TCF3: variants seen among roughly 807,000 people sequenced by gnomAD.
TCF3 encodes transcription factor E2-alpha.
In TCF3, 54 loss-of-function variants were observed where a neutral mutation model predicts 72.3. The observed-to-expected ratio is 0.75, with a 90% CI of 0.60 to 0.94. TCF3 has a LOEUF of 0.94. Ranked by LOEUF, TCF3 falls within the 40% of genes least tolerant of loss-of-function variation. The pLI, the probability that TCF3 is intolerant of heterozygous loss-of-function variation, is 0.00. For synonymous variants in TCF3, 525 were observed against 412.6 expected, an observed-to-expected ratio of 1.27 and a Z score of -3.30; for missense variants, 1,078 against 934.4, an observed-to-expected ratio of 1.15 and a Z score of -2.00.
At chr19:1,629,821 C>T (rs867380063) in intron 5 of TCF3, among the ~76,000 whole-genome samples, 5 of 152,152 alleles carry the variant, frequency 3.3e-5, no homozygotes, top group African/African-American at 9.7e-5. Flanking sequence ...AAAAGTTCAA[C>T]GATTTCCCAA....
intron 7 of TCF3, among the ~76,000 whole-genome samples, chr19:1,625,170 C>T (rs1280785707): frequency 1.3e-5 from 2 of 152,206 alleles, no homozygotes; most frequent in African/African-American, 2.4e-5. Flanking sequence ...GAATGGGCCC[C>T]GGGTAGTTCA....
intron 16 of TCF3, among the ~76,000 whole-genome samples, chr19:1,617,192 C>A (rs1038587709): frequency 6.6e-5 from 10 of 152,202 alleles, no homozygotes; most frequent in Admixed American, 5.9e-4. Flanking sequence ...AATTCATCAG[C>A]CTTTCCTCTG....
chr19:1,609,818 G>A lies in TCF3; in HGVS notation c.*1889C>T, dbSNP rs370154030. 1 of 231,850 alleles carries A rather than the reference G, an allele frequency of 4.3e-6. No homozygotes were observed. Among genetic ancestry groups the A allele is most frequent in the Admixed American group, 5.6e-5 (1 of 17,752 alleles). The allele number at this position is 231,850 out of a possible 1,614,324, so 14.4% of individuals were successfully genotyped here. ...CCAGGCTCCCAAGCCAGTCTGGGGA[G>A]GGGAGTCAGGCAGTCCAGGATCTCC... On this transcript the variant is annotated 3_prime_UTR_variant, in exon 19 of 19. Transcript: ENST00000262965.
At chr19:1,642,157 CACACACACGCACGCGT>C (rs1464082001) in intron 3 of TCF3, among the ~76,000 whole-genome samples, 16 of 151,690 alleles carry the variant, frequency 1.1e-4, no homozygotes, top group African/African-American at 2.9e-4. Context: ...CACACACACA[CACACACACGCACGCGT>C]ACACACACGC....
At chr19:1,632,512 T>C in intron 3 of TCF3, 107 bp from the exon 4 acceptor site, 2 of 1,237,596 alleles carry the variant, frequency 1.6e-6, no homozygotes, top group Non-Finnish European at 2.3e-6. Flanking sequence ...GGGGGGCTTG[T>C]GGAACCCTTC....
chr19:1,639,216 T>TA (rs2064889263), intron 3 of TCF3, among the ~76,000 whole-genome samples: 1 of 152,188 alleles, frequency 6.6e-6, no homozygotes, highest in African/African-American at 2.4e-5. Context: ...GCTAATTTTT[T>TA]ATATTTTAGT....
chr19:1,639,572 AAAG>A (rs1252354841), intron 3 of TCF3, among the ~76,000 whole-genome samples: 1 of 152,130 alleles, frequency 6.6e-6, no homozygotes, highest in African/African-American at 2.4e-5. Context: ...AAGTACTCAC[AAAG>A]AAGGACAAAA....
chr19:1,652,066 C>G (rs1189186539), intron 1 of TCF3, among the ~76,000 whole-genome samples: 2 of 150,156 alleles, frequency 1.3e-5, no homozygotes, highest in African/African-American at 4.9e-5. Flanking sequence ...GTGCCCGGCC[C>G]GACGGGGGCG....
At chr19:1,642,536 G>C (rs1221936211) in intron 3 of TCF3, among the ~76,000 whole-genome samples, 2 of 152,158 alleles carry the variant, frequency 1.3e-5, no homozygotes, top group Non-Finnish European at 2.9e-5. Flanking sequence ...GCCCAAGAGA[G>C]TAACAGAAAA....
At chr19:1,622,277 C>T (rs1482249080) in intron 9 of TCF3, 36 bp downstream of exon 9, 1 of 1,505,056 alleles carries the variant, frequency 6.6e-7, no homozygotes, top group Non-Finnish European at 8.9e-7. Context: ...CAGCCCTGCC[C>T]TACCGTCCCT....
At chr19:1,639,603 C>G (rs1391805984) in intron 3 of TCF3, among the ~76,000 whole-genome samples, 1 of 152,064 alleles carries the variant, frequency 6.6e-6, no homozygotes, top group Non-Finnish European at 1.5e-5. Flanking sequence ...ATGTTTCAGC[C>G]TCGGCAGAGG....
In TCF3 at chr19:1,650,226, G is replaced by A. The variant is rs376780559; in HGVS notation, c.23C>T (p.Ala8Val). The change falls in exon 2 of 19, where the codon GCG (alanine) becomes GTG (valine). Residue 8 changes from alanine to valine, a missense_variant. Physicochemically the swap from Ala to Val is moderately conservative, Grantham distance 64. Coordinates refer to ENST00000262965, the MANE Select transcript of TCF3 (RefSeq NM_003200.5). Reference sequence around the variant, plus strand: ...GAGCTCCTTGTCTGTGCCCACAGGCGCCATCCTCTGCGGCTGGTTCATTCT... The same window carrying A: ...GAGCTCCTTGTCTGTGCCCACAGGCACCATCCTCTGCGGCTGGTTCATTCT... Reference protein sequence around the residue: MNQPQRMAPVGTDKELSD... With the variant: MNQPQRMVPVGTDKELSD... 151 of 1,569,478 alleles carry A rather than the reference G, an allele frequency of 9.6e-5. 2 individuals are homozygous for A. The Middle Eastern group carries it at 4.3e-3, about 45-fold the overall frequency.
chr19:1,648,163 T>C (rs1407198745), intron 2 of TCF3, among the ~76,000 whole-genome samples: 2 of 152,198 alleles, frequency 1.3e-5, no homozygotes, highest in Non-Finnish European at 2.9e-5. Context: ...CGTATTTATT[T>C]GGAGTTCCCT....
rs1035120910 is a variant in TCF3, at chr19:1,616,766, TCAAAA to T, written c.1451-950_1451-946del. On this transcript the variant is annotated intron_variant, in intron 16 of 18. Transcript: ENST00000262965. ...TGGTGTGACAGGGTGAGACCCTGTCTCAAAACAAAACAAGTAAAAAAGAAAAAACA... is the reference window on the plus strand; with the variant it reads ...TGGTGTGACAGGGTGAGACCCTGTCTCAAAACAAGTAAAAAAGAAAAAACA... Among the ~76,000 whole-genome samples, 79 of 152,092 alleles carry T rather than the reference TCAAAA, an allele frequency of 5.2e-4. 1 individual carries two copies. Among genetic ancestry groups the T allele is most frequent in the Middle Eastern group, 3.4e-3 (1 of 292 alleles).
At chr19:1,638,627 G>A (rs1354359623) in intron 3 of TCF3, among the ~76,000 whole-genome samples, 2 of 152,248 alleles carry the variant, frequency 1.3e-5, no homozygotes, top group Non-Finnish European at 2.9e-5. Flanking sequence ...CTCACAGAAG[G>A]GGGCAGATGC....
At position 1,615,215 on chromosome 19, in the gene TCF3, GGA is replaced by G; in HGVS notation, c.1822+68_1822+69del. On this transcript the variant is annotated intron_variant, in intron 18 of 18. Coordinates refer to ENST00000262965, the MANE Select transcript of TCF3 (RefSeq NM_003200.5). The surrounding 1 kb of genome is among the most constrained non-coding windows in gnomAD (Gnocchi z 7.3). ...TGGCTCCAGGAAGGCGGGCGGGGAA[GGA>G]GAACGAGGGCAGGAACACGAGGGAG... is the stretch of plus-strand genomic sequence containing the variant. 6.7e-7 allele frequency: 1 copy of G among 1,502,092 alleles called. No individual in the cohort carries two copies. Among genetic ancestry groups the G allele is most frequent in the South Asian group, 1.3e-5 (1 of 75,352 alleles). 93.0% of individuals were successfully genotyped at this position (1,502,092 alleles called of 1,614,324 possible). A position where few individuals can be genotyped will look rare whatever the true frequency, so the allele number is the denominator to read the frequency against.
At chr19:1,647,790 T>C (rs2066351554) in intron 2 of TCF3, among the ~76,000 whole-genome samples, 1 of 152,246 alleles carries the variant, frequency 6.6e-6, no homozygotes, top group African/African-American at 2.4e-5. Flanking sequence ...GGCTGTGTCC[T>C]GTGGGCTCTG....
intron 3 of TCF3, 26 bp from the exon 4 acceptor site, chr19:1,632,431 G>T: frequency 6.4e-7 from 1 of 1,574,184 alleles, no homozygotes; most frequent in African/African-American, 1.3e-5. Context: ...AGAGAGTTAT[G>T]GGTCACCCTC....
intron 8 of TCF3, among the ~76,000 whole-genome samples, chr19:1,622,618 C>G (rs1012857822): frequency 1.3e-4 from 20 of 152,116 alleles, no homozygotes; most frequent in Admixed American, 8.5e-4. Flanking sequence ...CTCTCCTACT[C>G]CTTTTCCAGC....
Sources: allele counts gnomAD v4.1 joint callset (sites outside exome capture counted in the v4.1 genomes callset), GRCh38; gene constraint gnomAD v4.1.1; non-coding constraint Gnocchi (gnomAD v3.1); transcripts MANE v1.5; gene names NCBI Gene and HGNC (gene_info 2026-07-23, HGNC 2026-07-21).